VTA1: variants seen among roughly 807,000 people sequenced by gnomAD.
The protein encoded by VTA1 is vacuolar protein sorting-associated protein VTA1 homolog.
Under a neutral mutation model 36.9 loss-of-function variants are expected in VTA1, and 24 were observed. That is an observed-to-expected ratio of 0.65 (90% CI 0.47 to 0.91). The LOEUF is 0.91. Ranked by LOEUF, VTA1 falls within the 40% of genes least tolerant of loss-of-function variation. VTA1 has a pLI of 0.00. For missense variants in VTA1, 393 were observed against 377.2 expected, an observed-to-expected ratio of 1.04 and a Z score of -0.35; for synonymous variants, 142 against 130.2, an observed-to-expected ratio of 1.09 and a Z score of -0.62.
intron 1 of VTA1, among the ~76,000 whole-genome samples, chr6:142,150,170 A>G (rs186167606): frequency 2.6e-5 from 4 of 152,258 alleles, no homozygotes; most frequent in Admixed American, 2.6e-4. Context: ...AACACTTTAA[A>G]TATATGGATT....
At chr6:142,149,266 T>G (rs562888121) in intron 1 of VTA1, among the ~76,000 whole-genome samples, 2 of 152,324 alleles carry the variant, frequency 1.3e-5, no homozygotes, top group African/African-American at 4.8e-5. Flanking sequence ...CTCATCAGGC[T>G]TATGAAGAAA....
At chr6:142,204,653 TTTATATTTAAAAGGATTTAAATTTTAA>T (rs1775754774) in intron 7 of VTA1, among the ~76,000 whole-genome samples, 1 of 5,772 alleles carries the variant, frequency 1.7e-4, no homozygotes, top group African/African-American at 2.8e-3. Flanking sequence ...ATTTAATCCT[TTTATATTTAAAAGGATTTAAATTTTAA>T]TCCTTTTATA....
chr6:142,178,877 T>C (rs1420115649), intron 4 of VTA1, among the ~76,000 whole-genome samples: 2 of 151,916 alleles, frequency 1.3e-5, no homozygotes, highest in Admixed American at 6.6e-5. Context: ...AATACAAATA[T>C]AAATATTTTG....
At chr6:142,192,517 A>G (rs533697104) in intron 5 of VTA1, among the ~76,000 whole-genome samples, 15 of 152,086 alleles carry the variant, frequency 9.9e-5, no homozygotes, top group Admixed American at 5.9e-4. Flanking sequence ...TTTTGATACA[A>G]TGTTAAATTT....
At chr6:142,182,443 A>G (rs1775260100) in intron 4 of VTA1, among the ~76,000 whole-genome samples, 1 of 152,174 alleles carries the variant, frequency 6.6e-6, no homozygotes, top group South Asian at 2.1e-4. Flanking sequence ...GAAAAGGCAA[A>G]CTCATTAGTA....
chr6:142,207,696 G>A (rs1775820872), intron 7 of VTA1, among the ~76,000 whole-genome samples: 1 of 151,508 alleles, frequency 6.6e-6, no homozygotes, highest in East Asian at 1.9e-4. Flanking sequence ...AGAGAAAACT[G>A]GAATAAATAA....
At chr6:142,159,307 T>C (rs1394800660) in intron 1 of VTA1, among the ~76,000 whole-genome samples, 1 of 151,968 alleles carries the variant, frequency 6.6e-6, no homozygotes, top group Non-Finnish European at 1.5e-5. Context: ...GAGGTTGCAG[T>C]GAGCTGAGAT....
intron 5 of VTA1, among the ~76,000 whole-genome samples, chr6:142,195,767 T>C (rs150315105): frequency 6.6e-6 from 1 of 152,144 alleles, no homozygotes; most frequent in East Asian, 1.9e-4. Flanking sequence ...ATTATAGTTT[T>C]CTTTGTGATT....
At chr6:142,205,385 T>C (rs1363708157) in intron 7 of VTA1, among the ~76,000 whole-genome samples, 4 of 152,236 alleles carry the variant, frequency 2.6e-5, no homozygotes, top group African/African-American at 9.6e-5. Context: ...TAGTTAATTA[T>C]ATATGCTTAG....
intron 4 of VTA1, among the ~76,000 whole-genome samples, chr6:142,188,534 G>A (rs149261345): frequency 1.3e-5 from 2 of 152,050 alleles, no homozygotes; most frequent in South Asian, 2.1e-4. Flanking sequence ...AACCACGTTC[G>A]CTCTGGAACG....
At chr6:142,183,341 A>G (rs1237940667) in intron 4 of VTA1, among the ~76,000 whole-genome samples, 4 of 152,140 alleles carry the variant, frequency 2.6e-5, no homozygotes, top group Non-Finnish European at 5.9e-5. Context: ...AGAATAATTT[A>G]TATCAAATTT....
chr6:142,178,397 T>A lies in VTA1; in HGVS notation c.411+7976T>A, dbSNP rs73574216. On this transcript the variant is annotated intron_variant, in intron 4 of 7. Coordinates refer to ENST00000367630, the MANE Select transcript of VTA1 (RefSeq NM_016485.5). ...AAAATGAAGGTTTTAAAAAAACATT[T>A]TTAGGCAAGTTAATTCATTGCTAGC... Among the ~76,000 whole-genome samples, 1,306 of 152,200 alleles carry A rather than the reference T, an allele frequency of 8.6e-3. 21 individuals carry two copies. The highest frequency in any genetic ancestry group is 0.03 in the African/African-American group (1,236 of 41,552).
At chr6:142,207,713 C>A (rs1043485277) in intron 7 of VTA1, among the ~76,000 whole-genome samples, 24 of 152,102 alleles carry the variant, frequency 1.6e-4, no homozygotes, top group African/African-American at 5.8e-4. Context: ...ATAACTAATT[C>A]TTCCAGTGCA....
chr6:142,204,719 T>C (rs1319708823), intron 7 of VTA1, among the ~76,000 whole-genome samples: 1 of 151,276 alleles, frequency 6.6e-6, no homozygotes, highest in Non-Finnish European at 1.5e-5. Context: ...TAAATCCTTT[T>C]AATTTAAAGG....
intron 2 of VTA1, among the ~76,000 whole-genome samples, chr6:142,168,935 T>A (rs1045982128): frequency 6.6e-6 from 1 of 151,494 alleles, no homozygotes; most frequent in Non-Finnish European, 1.5e-5. Context: ...CCCAGCTAAT[T>A]TCTTTTTGTA....
chr6:142,188,747 A>AT (rs67488464), intron 4 of VTA1, among the ~76,000 whole-genome samples: 87,298 of 151,988 alleles, frequency 0.57, 25,382 homozygotes, highest in Middle Eastern at 0.61. Context: ...AGATTTTTAT[A>AT]TTTTTAATGC....
chr6:142,195,972 A>G (rs975944379), intron 5 of VTA1, among the ~76,000 whole-genome samples: 2 of 152,144 alleles, frequency 1.3e-5, no homozygotes, highest in Admixed American at 1.3e-4. Context: ...TGAATGTCCC[A>G]TGTGCAGTTG....
At chr6:142,155,420 TG>T (rs1778645223) in intron 1 of VTA1, among the ~76,000 whole-genome samples, 1 of 152,204 alleles carries the variant, frequency 6.6e-6, no homozygotes, top group Non-Finnish European at 1.5e-5. Context: ...TATATCATTA[TG>T]GAAATGGTTA....
At chr6:142,212,816 G>C (rs150430376) in intron 7 of VTA1, among the ~76,000 whole-genome samples, 1 of 152,094 alleles carries the variant, frequency 6.6e-6, no homozygotes, top group African/African-American at 2.4e-5. Flanking sequence ...ATCAGATCTC[G>C]TGAGACCTCA....
Sources: allele counts gnomAD v4.1 joint callset (sites outside exome capture counted in the v4.1 genomes callset), GRCh38; gene constraint gnomAD v4.1.1; transcripts MANE v1.5; gene names NCBI Gene and HGNC (gene_info 2026-07-23, HGNC 2026-07-21).